Variants in NUP153 observed in about 807,000 individuals in gnomAD.
The protein encoded by NUP153 is nucleoporin 153.
Under a neutral mutation model 134.6 loss-of-function variants are expected in NUP153, and 27 were observed. The ratio of observed to expected loss-of-function variants is 0.20; its 90% confidence interval spans 0.15 to 0.28. The LOEUF (loss-of-function observed/expected upper bound fraction) is 0.28. Ranked by LOEUF, NUP153 falls within the 10% of genes least tolerant of loss-of-function variation. NUP153 has a pLI of 1.00. For synonymous variants in NUP153, 640 were observed against 623.5 expected (o/e 1.03, Z -0.40); for missense variants, 1,821 against 1,731.3 (o/e 1.05, Z -0.92).
intron 20 of NUP153, among the ~76,000 whole-genome samples, chr6:17,617,975 G>A (rs936405381): frequency 1.3e-5 from 2 of 152,168 alleles, no homozygotes; most frequent in Admixed American, 6.5e-5. Flanking sequence ...TTAAGGGCAA[G>A]AATATCATTT....
At chr6:17,694,900 A>G (rs1769537397) in intron 1 of NUP153, among the ~76,000 whole-genome samples, 1 of 151,420 alleles carries the variant, frequency 6.6e-6, no homozygotes, top group African/African-American at 2.4e-5. Context: ...AATCGCTTGA[A>G]CCCAGGACGC....
At position 17,624,805 on chromosome 6, in the gene NUP153, G is replaced by A. The variant is rs1003203454; in HGVS notation, c.3930C>T (p.Pro1310=). ...AGSSFVFGTG[P]SAPSASPAFG... Reference sequence around the variant, plus strand: ...ATGCTGGACTGGCAGATGGTGCTGAGGGTCCAGTTCCAAATACAAAGGAGG... The same window carrying A: ...ATGCTGGACTGGCAGATGGTGCTGAAGGTCCAGTTCCAAATACAAAGGAGG... The change falls in exon 20 of 22, where the codon CCC becomes CCT. Residue 1310 remains proline, a synonymous_variant. Transcript: ENST00000262077. The A allele has an allele frequency of 6.2e-7, 1 of 1,612,348 alleles. No homozygotes were observed. Among genetic ancestry groups the A allele is most frequent in the Non-Finnish European group, 8.5e-7 (1 of 1,178,888 alleles).
chr6:17,658,277 TCA>T (rs1306959528), intron 11 of NUP153, among the ~76,000 whole-genome samples: 1 of 152,152 alleles, frequency 6.6e-6, no homozygotes, highest in African/African-American at 2.4e-5. Flanking sequence ...ATGCCTGTAA[TCA>T]CAGTTACTCG....
rs201676381 is a variant in NUP153 at position 17,629,393 on chromosome 6, C to A, written c.2806G>T (p.Val936Leu). 8.5e-5 allele frequency: 137 copies of A among 1,613,930 alleles called. No homozygotes were observed. Among genetic ancestry groups the A allele is most frequent in the Admixed American group, 5.0e-5 (3 of 60,000 alleles). Residue 936 changes from valine to leucine, a missense_variant, in exon 18 of 22, where the codon GTG (valine) becomes TTG (leucine). Transcript: ENST00000262077. ...FGDQGGFKIG[V>L]SSDSGSINPM... is the part of the protein sequence containing the mutation. ...TTTATAGACCCAGAATCGGATGACA[C>A]ACCTATTTTGAATCCTCCCTGATCT...
intron 18 of NUP153, 105 bp from the exon 19 acceptor site, chr6:17,626,269 C>A (rs1207221474): frequency 3.8e-6 from 3 of 782,054 alleles, no homozygotes; most frequent in Non-Finnish European, 6.2e-6. Context: ...CTAGAATTCG[C>A]TAGAAAATAG....
intron 2 of NUP153, among the ~76,000 whole-genome samples, chr6:17,678,856 G>A (rs1225578194): frequency 2.0e-5 from 3 of 151,686 alleles, no homozygotes; most frequent in African/African-American, 7.3e-5. Context: ...TGAGGTGGGA[G>A]GATCACTTGA....
intron 14 of NUP153, among the ~76,000 whole-genome samples, chr6:17,643,065 GATAA>G (rs1278254721): frequency 2.6e-5 from 4 of 152,166 alleles, no homozygotes; most frequent in East Asian, 1.9e-4. Flanking sequence ...TGGTGAGGGT[GATAA>G]ATGTTTTGGA....
chr6:17,690,478 CTAT>C (rs1381012436), intron 1 of NUP153, among the ~76,000 whole-genome samples: 2 of 152,068 alleles, frequency 1.3e-5, no homozygotes, highest in Non-Finnish European at 1.5e-5. Flanking sequence ...ACACTGCCTC[CTAT>C]TATTTATAGT....
At chr6:17,697,280 A>C (rs1030762849) in intron 1 of NUP153, among the ~76,000 whole-genome samples, 1 of 152,236 alleles carries the variant, frequency 6.6e-6, no homozygotes, top group Non-Finnish European at 1.5e-5. Context: ...ATTTAGACTA[A>C]TTAAAAATTC....
intron 17 of NUP153, among the ~76,000 whole-genome samples, chr6:17,632,396 C>T (rs1008339024): frequency 4.6e-5 from 7 of 152,138 alleles, no homozygotes; most frequent in Admixed American, 2.0e-4. Context: ...AACAAAAACT[C>T]TCTGAGGCTC....
chr6:17,637,784 A>G lies in NUP153; in HGVS notation c.1847-14T>C, dbSNP rs187673082. 5.2e-5 allele frequency: 82 copies of G among 1,582,496 alleles called. No individual in the cohort carries two copies. The African/African-American group carries it at 8.8e-4, about 17-fold the overall frequency. On this transcript the variant is annotated splice_polypyrimidine_tract_variant and intron_variant, in intron 15 of 21. Coordinates refer to ENST00000262077, the MANE Select transcript of NUP153 (RefSeq NM_005124.4). ...GCGATGCGAAACCTACAATGAACGA[A>G]GGAGAGAGTGCAACGTTAGAGAAGC...
At chr6:17,697,719 T>G (rs1769752194) in intron 1 of NUP153, among the ~76,000 whole-genome samples, 1 of 145,012 alleles carries the variant, frequency 6.9e-6, no homozygotes, top group Admixed American at 7.0e-5. Flanking sequence ...GCAGCTGGGG[T>G]GGGGGCAGGC....
chr6:17,621,325 A>G (rs1293731285), intron 20 of NUP153, among the ~76,000 whole-genome samples: 1 of 152,150 alleles, frequency 6.6e-6, no homozygotes, highest in South Asian at 2.1e-4. Context: ...AAATAGAATC[A>G]CCTTATGATC....
chr6:17,702,523 A>C (rs890179717), intron 1 of NUP153, among the ~76,000 whole-genome samples: 2 of 151,726 alleles, frequency 1.3e-5, no homozygotes, highest in Non-Finnish European at 2.9e-5. Context: ...CAAAACAAAA[A>C]AAATCAGCCG....
intron 18 of NUP153, among the ~76,000 whole-genome samples, chr6:17,627,548 T>A (rs1765007316): frequency 6.6e-6 from 1 of 151,594 alleles, no homozygotes. Context: ...CAAGCTGGAG[T>A]GCACTGGGCC....
chr6:17,616,805 A>G, intron 20 of NUP153, 110 bp from the exon 21 acceptor site: 1 of 1,033,256 alleles, frequency 9.7e-7, no homozygotes, highest in Non-Finnish European at 1.4e-6. Flanking sequence ...GCTGGAGTAC[A>G]GTGGCACAAT....
Position 17,624,648 on chromosome 6 carries a change from C to T in NUP153, c.4087G>A (p.Gly1363Arg). The change falls in exon 20 of 22, where the codon GGG (glycine) becomes AGG (arginine). Residue 1363 changes from glycine to arginine, a missense_variant. Coordinates refer to ENST00000262077, the MANE Select transcript of NUP153 (RefSeq NM_005124.4). ...GGCTGGCTACTGCTTGACACTGTCC[C>T]AAAAGTAGGTGGTGCAGGCTGAGAA... ...TGSQPAPPTF[G>R]TVSSSSQPPV... The T allele has an allele frequency of 1.2e-6, 2 of 1,614,160 alleles. No homozygotes were observed. Among genetic ancestry groups the T allele is most frequent in the Non-Finnish European group, 1.7e-6 (2 of 1,180,028 alleles).
intron 1 of NUP153, among the ~76,000 whole-genome samples, chr6:17,703,337 C>T (rs1417919984): frequency 6.6e-6 from 1 of 152,090 alleles, no homozygotes; most frequent in East Asian, 1.9e-4. Flanking sequence ...GTCATAGGTA[C>T]TGGGTGACTG....
intron 20 of NUP153, among the ~76,000 whole-genome samples, chr6:17,617,217 A>T (rs1764378901): frequency 6.6e-6 from 1 of 152,158 alleles, no homozygotes; most frequent in South Asian, 2.1e-4. Flanking sequence ...GACCAAGGGG[A>T]AAAGGGCACC....
Sources: gnomAD v4.1 joint callset for allele counts (sites outside exome capture counted in the v4.1 genomes callset) on GRCh38, gnomAD v4.1.1 for gene constraint, MANE v1.5 for transcripts, NCBI Gene and HGNC (gene_info 2026-07-23, HGNC 2026-07-21) for gene names.